Variants in MAN1B1 observed in about 807,000 individuals in gnomAD.
The protein encoded by MAN1B1 is endoplasmic reticulum mannosyl-oligosaccharide 1,2-alpha-mannosidase.
Under a neutral mutation model 75.5 loss-of-function variants are expected in MAN1B1, and 66 were observed. The observed-to-expected ratio is 0.87, with a 90% confidence interval of 0.72 to 1.07. MAN1B1 has a LOEUF of 1.07. Among genes scored for constraint, MAN1B1 ranks in the 50% least tolerant of loss-of-function variants. The pLI is 0.00. For synonymous variants in MAN1B1, 453 were observed against 382.8 expected, an observed-to-expected ratio of 1.18 and a Z score of -2.14; for missense variants, 973 against 912.5, an observed-to-expected ratio of 1.07 and a Z score of -0.85.
At chr9:137,097,980 G>T in intron 5 of MAN1B1, 43 bp downstream of exon 5, 1 of 1,453,964 alleles carries the variant, frequency 6.9e-7, no homozygotes, top group Non-Finnish European at 9.4e-7. Flanking sequence ...GCGCTCAGGG[G>T]CTGGTGGCTG....
At chr9:137,092,151 G>C (rs1005379182) in intron 3 of MAN1B1, among the ~76,000 whole-genome samples, 5 of 151,874 alleles carry the variant, frequency 3.3e-5, no homozygotes, top group African/African-American at 4.8e-5. Context: ...AAGGCAGGCA[G>C]ATTGCTTACG....
At chr9:137,107,819 G>C (rs775724544) in intron 12 of MAN1B1, 157 bp downstream of exon 12, 24 of 966,118 alleles carry the variant, frequency 2.5e-5, no homozygotes, top group Non-Finnish European at 6.4e-6. Flanking sequence ...ACTGCAGCTT[G>C]GGGGCCCTGG....
chr9:137,106,200 A>G lies in MAN1B1; in HGVS notation c.1330A>G (p.Asn444Asp). ...KKDGLVPMFI[N>D]THSGLFTHLG... ...GGATGGGCTGGTGCCCATGTTCATCAATACCCACAGTGGCCTCTTCACCCA... is the reference window on the plus strand; with the variant it reads ...GGATGGGCTGGTGCCCATGTTCATCGATACCCACAGTGGCCTCTTCACCCA... The change falls in exon 9 of 13, where the codon AAT becomes GAT. Residue 444 changes from asparagine (N) to aspartate (D), a missense_variant. Coordinates refer to ENST00000371589, the MANE Select transcript of MAN1B1 (RefSeq NM_016219.5). 1 of 1,612,002 alleles carries G rather than the reference A, an allele frequency of 6.2e-7. No individual in the cohort carries two copies. Among genetic ancestry groups the G allele is most frequent in the South Asian group, 1.1e-5 (1 of 90,618 alleles).
chr9:137,106,242 C>A lies in MAN1B1; in HGVS notation c.1372C>A (p.Leu458Met). ...GLFTHLGVFTLGARADSYYEY... is the reference protein window; with the variant it reads ...GLFTHLGVFTMGARADSYYEY... ...CTTCACCCACCTGGGCGTATTCACGCTGGGCGCCAGGGCCGACAGCTACTA... is the reference window on the plus strand; with the variant it reads ...CTTCACCCACCTGGGCGTATTCACGATGGGCGCCAGGGCCGACAGCTACTA... The change falls in exon 9 of 13, where the codon CTG (leucine) becomes ATG (methionine). Residue 458 changes from leucine to methionine, a missense_variant. Physicochemically the swap from Leu to Met is conservative, Grantham distance 15. Transcript: ENST00000371589. The A allele has an allele frequency of 6.3e-7, 1 of 1,596,480 alleles. No homozygotes were observed. Among genetic ancestry groups the A allele is most frequent in the South Asian group, 1.1e-5 (1 of 88,512 alleles).
In MAN1B1 at chr9:137,097,891, G is replaced by A. The variant is rs886063729; in HGVS notation, c.684G>A (p.Val228=). Residue 228 remains valine, a synonymous_variant, in exon 5 of 13, where the codon GTG becomes GTA. Coordinates refer to ENST00000371589, the MANE Select transcript of MAN1B1 (RefSeq NM_016219.5). The part of the protein sequence containing the change: ...GTELPSRRAE[V]PTKPPLPPAR... ...AGCTCCCTTCAAGAAGAGCAGAAGTGCCCACCAAGCCTCCCCTGCCACCGG... is the reference window on the plus strand; with the variant it reads ...AGCTCCCTTCAAGAAGAGCAGAAGTACCCACCAAGCCTCCCCTGCCACCGG... 4 of 1,559,988 alleles carry A rather than the reference G, an allele frequency of 2.6e-6. No homozygotes were observed. The South Asian group carries it at 4.7e-5, about 18-fold the overall frequency.
intron 3 of MAN1B1, among the ~76,000 whole-genome samples, chr9:137,091,600 C>A (rs1830519491): frequency 7.1e-6 from 1 of 141,146 alleles, no homozygotes; most frequent in Non-Finnish European, 1.5e-5. Flanking sequence ...AATCTCAGGT[C>A]ACTGCAAGCT....
chr9:137,100,884 T>G, intron 6 of MAN1B1, 121 bp from the exon 7 acceptor site: 7 of 1,112,812 alleles, frequency 6.3e-6, no homozygotes, highest in Non-Finnish European at 8.0e-6. Context: ...CCTCCCAAAG[T>G]GCTGGGATTA....
At position 137,109,008 on chromosome 9, in the gene MAN1B1, G is replaced by A. The variant is rs373812189; in HGVS notation, c.*417G>A. ...AATCCAAGGGTCTGGAGGGGCTGCC[G>A]TGACTCCAGAGGCCTGAGGCTCCAG... is the stretch of plus-strand genomic sequence containing the variant. On this transcript the variant is annotated 3_prime_UTR_variant, in exon 13 of 13. Coordinates refer to ENST00000371589, the MANE Select transcript of MAN1B1 (RefSeq NM_016219.5). 3.3e-5 allele frequency: 15 copies of A among 460,266 alleles called. No individual in the cohort carries two copies. The highest frequency in any genetic ancestry group is 3.3e-4 in the Middle Eastern group (1 of 3,058). The allele number at this position is 460,266 out of a possible 1,614,324, so 28.5% of individuals were successfully genotyped here.
intron 3 of MAN1B1, among the ~76,000 whole-genome samples, chr9:137,092,901 G>A (rs1369701179): frequency 6.6e-6 from 1 of 152,162 alleles, no homozygotes; most frequent in Non-Finnish European, 1.5e-5. Flanking sequence ...AGCTGTCCGT[G>A]TCCTTTGATG....
chr9:137,102,897 GGTCAGTGGTGT>G (rs1830914062), intron 8 of MAN1B1: 2 of 420,244 alleles, frequency 4.8e-6, no homozygotes, highest in African/African-American at 2.4e-5. Context: ...CAGGCGTGCA[GGTCAGTGGTGT>G]TACACACATT....
intron 6 of MAN1B1, 100 bp downstream of exon 6, chr9:137,099,981 T>A: frequency 7.2e-7 from 1 of 1,380,602 alleles, no homozygotes; most frequent in Non-Finnish European, 1.0e-6. Flanking sequence ...GCTGTTTGCA[T>A]CTGACCATGG....
chr9:137,106,099 A>G (rs771008564), intron 8 of MAN1B1, 26 bp from the exon 9 acceptor site: 3 of 1,603,598 alleles, frequency 1.9e-6, no homozygotes, highest in Non-Finnish European at 2.6e-6. Flanking sequence ...TGGCCAGTAA[A>G]CCCACCATCC....
At chr9:137,092,694 T>C (rs1830547215) in intron 3 of MAN1B1, among the ~76,000 whole-genome samples, 1 of 152,238 alleles carries the variant, frequency 6.6e-6, no homozygotes, top group Non-Finnish European at 1.5e-5. Context: ...CCGAATTTGC[T>C]TCCCCTGCTA....
At position 137,088,109 on chromosome 9, in the gene MAN1B1, T is replaced by A. The variant is rs777805866; in HGVS notation, c.254T>A (p.Met85Lys). ...WKQLSRLQRN[M>K]ILFLLAFLLF... ...CAACTGTCGAGATTGCAGCGGAATA[T>A]GATTCTCTTCCTCCTTGCCTTTCTG... The change falls in exon 2 of 13, where the codon ATG (methionine) becomes AAG (lysine). Residue 85 changes from methionine to lysine, a missense_variant. Met to Lys is a moderately conservative substitution (Grantham distance 95, BLOSUM62 -1). Transcript: ENST00000371589. 1 of 1,614,100 alleles carries A rather than the reference T, an allele frequency of 6.2e-7. No individual in the cohort carries two copies. The highest frequency in any genetic ancestry group is 8.5e-7 in the Non-Finnish European group (1 of 1,180,028).
intron 8 of MAN1B1, chr9:137,102,196 G>A: frequency 2.3e-6 from 1 of 429,792 alleles, no homozygotes; most frequent in South Asian, 1.6e-5. Flanking sequence ...GGTCGGTGGT[G>A]TTACACGTGC....
intron 8 of MAN1B1, chr9:137,104,143 C>A: frequency 2.2e-6 from 1 of 445,208 alleles, no homozygotes; most frequent in South Asian, 1.6e-5. Context: ...CATGTCCCTC[C>A]CCAGTCCCTG....
At chr9:137,104,317 C>T (rs965725146) in intron 8 of MAN1B1, 2 of 324,616 alleles carry the variant, frequency 6.2e-6, no homozygotes, top group Non-Finnish European at 1.2e-5. Context: ...CTCACTGCAA[C>T]CTCCACTCCC....
At chr9:137,108,047 ACTTCCTG>A in intron 12 of MAN1B1, 1 of 608,214 alleles carries the variant, frequency 1.6e-6, no homozygotes, top group Admixed American at 3.0e-5. Context: ...CCAGAGTGTC[ACTTCCTG>A]GCTCTGCTGT....
intron 3 of MAN1B1, among the ~76,000 whole-genome samples, chr9:137,091,303 C>G (rs1830506031): frequency 6.6e-6 from 1 of 152,126 alleles, no homozygotes; most frequent in Non-Finnish European, 1.5e-5. Flanking sequence ...AAGCCAGCAC[C>G]TAGTGTCCAG....
Sources: gnomAD v4.1 joint callset for allele counts (sites outside exome capture counted in the v4.1 genomes callset) on GRCh38, gnomAD v4.1.1 for gene constraint, MANE v1.5 for transcripts, NCBI Gene and HGNC (gene_info 2026-07-23, HGNC 2026-07-21) for gene names.